Variants in SH3BP4 observed in about 807,000 individuals in gnomAD.
SH3BP4 encodes SH3 domain binding protein 4.
A neutral mutation model predicts 65.5 loss-of-function variants in SH3BP4; 33 were observed. That is an observed-to-expected ratio of 0.50 (90% CI 0.38 to 0.67). The LOEUF (loss-of-function observed/expected upper bound fraction) is 0.67. Ranked by LOEUF, SH3BP4 falls within the 30% of genes least tolerant of loss-of-function variation. The pLI is 0.00. For synonymous variants in SH3BP4, 552 were observed against 545.5 expected, an observed-to-expected ratio of 1.01 and a Z score of -0.17; for missense variants, 1,134 against 1,261.4, an observed-to-expected ratio of 0.90 and a Z score of 1.53.
At chr2:234,996,516 C>G (rs1693923995) in intron 2 of SH3BP4, among the ~76,000 whole-genome samples, 1 of 152,174 alleles carries the variant, frequency 6.6e-6, no homozygotes, top group African/African-American at 2.4e-5. Context: ...AGGGTCAGTC[C>G]TCCGCCCACT....
Position 235,046,750 on chromosome 2 carries a change from G to GATGAATGA in SH3BP4, c.2478+3519_2478+3526dup, listed in dbSNP as rs59781959. Reference sequence around the variant, plus strand: ...ATGAATGATGGATGAATGAATGAATGATGAATGAATGAATGAATGAATGCA... The same window carrying GATGAATGA: ...ATGAATGATGGATGAATGAATGAATGATGAATGAATGAATGAATGAATGAATGAATGCA... On this transcript the variant is annotated intron_variant, in intron 4 of 5. Transcript: ENST00000392011. The surrounding 1 kb of genome is among the most constrained non-coding windows in gnomAD (Gnocchi z 4.2). 4.6e-5 allele frequency among the ~76,000 whole-genome samples: 7 copies of GATGAATGA among 151,456 alleles called. No homozygotes were observed. The highest frequency in any genetic ancestry group is 4.2e-4 in the South Asian group (2 of 4,804).
At chr2:235,038,329 ATT>A (rs1400212540) in intron 3 of SH3BP4, among the ~76,000 whole-genome samples, 512 of 16,298 alleles carry the variant, frequency 0.031, 40 homozygotes, top group African/African-American at 0.13. Context: ...TTATATATAT[ATT>A]ATATATAGTA....
At chr2:234,985,346 G>A (rs941286123) in intron 1 of SH3BP4, among the ~76,000 whole-genome samples, 2 of 152,166 alleles carry the variant, frequency 1.3e-5, no homozygotes, top group Non-Finnish European at 2.9e-5. Context: ...CATTGTGGCG[G>A]AAGCTGTTTA....
rs1020827263 is a variant in SH3BP4, at chr2:235,034,353, C to T, written c.-132-518C>T. Among the ~76,000 whole-genome samples the T allele has an allele frequency of 1.2e-4, 19 of 152,042 alleles. No homozygotes were observed. Among genetic ancestry groups the T allele is most frequent in the Admixed American group, 2.0e-4 (3 of 15,270 alleles). ...TTGGGGTGCAGGGGGATTTCAGGAG[C>T]GGATTGGGTAGGGAGCATCACCCTT... is the stretch of plus-strand genomic sequence containing the variant. On this transcript the variant is annotated intron_variant, in intron 2 of 5. Transcript: ENST00000392011. This position sits in a 1 kb window ranked among gnomAD's most constrained non-coding sequence, Gnocchi z 6.2.
chr2:234,984,829 T>A (rs1003406756), intron 1 of SH3BP4, among the ~76,000 whole-genome samples: 1 of 149,500 alleles, frequency 6.7e-6, no homozygotes, highest in Non-Finnish European at 1.5e-5. Flanking sequence ...TTCGGGGAGA[T>A]GACTGGTCCC....
intron 1 of SH3BP4, among the ~76,000 whole-genome samples, chr2:234,969,849 A>AC (rs1692935026): frequency 6.6e-6 from 1 of 150,898 alleles, no homozygotes; most frequent in African/African-American, 2.4e-5. Flanking sequence ...GCACACACAC[A>AC]CCCCCTCTTT....
At chr2:234,981,460 G>A (rs1693380837) in intron 1 of SH3BP4, among the ~76,000 whole-genome samples, 2 of 152,206 alleles carry the variant, frequency 1.3e-5, no homozygotes, top group South Asian at 4.1e-4. Flanking sequence ...AGCCAGGCCA[G>A]TGCACACTTG....
In SH3BP4 at chr2:235,025,112, C is replaced by G. The variant is rs1694958714; in HGVS notation, c.-132-9759C>G. On this transcript the variant is annotated intron_variant, in intron 2 of 5. Coordinates refer to ENST00000392011, the MANE Select transcript of SH3BP4 (RefSeq NM_014521.3). The stretch of plus-strand genomic sequence containing the variant: ...CAGCCATCTGACACGGGCGGGCCAG[C>G]CTTCCCATGTGATTCAAGGGGGCTG... Among the ~76,000 whole-genome samples, 3 of 152,132 alleles carry G rather than the reference C, an allele frequency of 2.0e-5. No homozygotes were observed. The South Asian group carries it at 6.2e-4, about 32-fold the overall frequency.
chr2:235,047,443 C>T (rs895981028), intron 4 of SH3BP4, among the ~76,000 whole-genome samples: 2 of 152,268 alleles, frequency 1.3e-5, no homozygotes. Context: ...GGTGGGCTCC[C>T]GTCAGGCAAA....
Position 234,952,025 on chromosome 2 carries a change from C to G in SH3BP4, c.-352C>G, listed in dbSNP as rs1285637841. On this transcript the variant is annotated 5_prime_UTR_variant, in exon 1 of 6. Coordinates refer to ENST00000392011, the MANE Select transcript of SH3BP4 (RefSeq NM_014521.3). This position sits in a 1 kb window ranked among gnomAD's most constrained non-coding sequence, Gnocchi z 6.5. ...CGCCGAGGCGGGGGCCCAGCGCGCC[C>G]GGCACTCTCGGCGGTCCGGGCCCCT... is the stretch of plus-strand genomic sequence containing the variant. The G allele has an allele frequency of 1.4e-5, 2 of 146,568 alleles. No homozygotes were observed. The highest frequency in any genetic ancestry group is 6.8e-5 in the Admixed American group (1 of 14,720). 9.1% of individuals were successfully genotyped at this position (146,568 alleles called of 1,614,324 possible).
At position 235,036,740 on chromosome 2, in the gene SH3BP4, A is replaced by AAAAAAAAAAAAAATAATAATAAT. The variant is rs146049108; in HGVS notation, c.118+1622_118+1623insAAAAAAAAAAATAATAATAATAA. The stretch of plus-strand genomic sequence containing the variant: ...ACTGCACTCTGAGACTCTATATAAA[A>AAAAAAAAAAAAAATAATAATAAT]AATAATAATAATAATAATGACAGTG... On this transcript the variant is annotated intron_variant, in intron 3 of 5. Coordinates refer to ENST00000392011, the MANE Select transcript of SH3BP4 (RefSeq NM_014521.3). Among the ~76,000 whole-genome samples, 177 of 141,764 alleles carry AAAAAAAAAAAAAATAATAATAAT rather than the reference A, an allele frequency of 1.2e-3. 1 individual carries two copies. Among genetic ancestry groups the AAAAAAAAAAAAAATAATAATAAT allele is most frequent in the Admixed American group, 3.0e-3 (43 of 14,138 alleles). The allele number at this position is 141,764 out of a possible 152,430, so 93.0% of individuals were successfully genotyped here.
At chr2:235,038,239 T>TATATATATTATATATA (rs1695452730) in intron 3 of SH3BP4, among the ~76,000 whole-genome samples, 2 of 34,106 alleles carry the variant, frequency 5.9e-5, no homozygotes, top group South Asian at 1.6e-3. Context: ...ATATGTATTT[T>TATATATATTATATATA]ATATATATAT....
chr2:235,004,764 T>C (rs6728495), intron 2 of SH3BP4, among the ~76,000 whole-genome samples: 21 of 152,370 alleles, frequency 1.4e-4, no homozygotes, highest in African/African-American at 5.0e-4. Context: ...ACATTTTGTT[T>C]ACACTTTCAT....
At chr2:235,003,282 C>T (rs1296662843) in intron 2 of SH3BP4, among the ~76,000 whole-genome samples, 1 of 152,244 alleles carries the variant, frequency 6.6e-6, no homozygotes, top group Admixed American at 6.5e-5. Context: ...GAACTCTCCC[C>T]TGGCCAGGGC....
At position 235,035,488 on chromosome 2, in the gene SH3BP4, A is replaced by G. The variant is rs916209737; in HGVS notation, c.118+368A>G. Among the ~76,000 whole-genome samples the G allele has an allele frequency of 1.3e-5, 2 of 152,236 alleles. No individual in the cohort carries two copies. The highest frequency in any genetic ancestry group is 3.8e-4 in the East Asian group (2 of 5,198). On this transcript the variant is annotated intron_variant, in intron 3 of 5. Transcript: ENST00000392011. This position sits in a 1 kb window ranked among gnomAD's most constrained non-coding sequence, Gnocchi z 5.0. The stretch of plus-strand genomic sequence containing the variant: ...AAAAAGGTAGCTTCGGGGAGAGGTC[A>G]GCAAACCTTTTCTCCAAACAGTCTG...
intron 1 of SH3BP4, among the ~76,000 whole-genome samples, chr2:234,959,289 T>C (rs935062561): frequency 6.6e-6 from 1 of 152,156 alleles, no homozygotes; most frequent in Non-Finnish European, 1.5e-5. Context: ...AGGGCGCTGC[T>C]TGGGGGCAGT....
At chr2:235,003,770 G>C (rs1293912549) in intron 2 of SH3BP4, among the ~76,000 whole-genome samples, 1 of 152,228 alleles carries the variant, frequency 6.6e-6, no homozygotes, top group Non-Finnish European at 1.5e-5. Context: ...GGTGACAGAG[G>C]CTGGAGGCTG....
chr2:234,968,739 C>T (rs1692903071), intron 1 of SH3BP4, among the ~76,000 whole-genome samples: 1 of 152,186 alleles, frequency 6.6e-6, no homozygotes, highest in Admixed American at 6.5e-5. Context: ...CGGCTTTTAC[C>T]ATATGTTTTA....
intron 1 of SH3BP4, among the ~76,000 whole-genome samples, chr2:234,965,130 T>C (rs1252081831): frequency 6.6e-6 from 1 of 152,196 alleles, no homozygotes; most frequent in Admixed American, 6.5e-5. Flanking sequence ...CTTCAGAAAC[T>C]AAGCTGACGG....
Sources: gnomAD v4.1 joint callset for allele counts (sites outside exome capture counted in the v4.1 genomes callset) on GRCh38, gnomAD v4.1.1 for gene constraint, Gnocchi (gnomAD v3.1) non-coding constraint, MANE v1.5 for transcripts, NCBI Gene and HGNC (gene_info 2026-07-23, HGNC 2026-07-21) for gene names.